PRELID2: variants seen among roughly 807,000 people sequenced by gnomAD.
PRELID2 encodes PRELI domain containing 2.
A neutral mutation model predicts 28.4 loss-of-function variants in PRELID2; 25 were observed. The observed-to-expected ratio is 0.88, with a 90% confidence interval of 0.64 to 1.23. The LOEUF (loss-of-function observed/expected upper bound fraction) is 1.23. Among genes scored for constraint, PRELID2 ranks in the 50% most tolerant of loss-of-function variants. The pLI, the probability that PRELID2 is intolerant of heterozygous loss-of-function variation, is 0.00. For synonymous variants in PRELID2, 76 were observed against 71.6 expected, an observed-to-expected ratio of 1.06 and a Z score of -0.31; for missense variants, 201 against 214.4, an observed-to-expected ratio of 0.94 and a Z score of 0.39.
intron 1 of PRELID2, among the ~76,000 whole-genome samples, chr5:145,694,615 A>T (rs1755218306): frequency 6.6e-6 from 1 of 152,068 alleles, no homozygotes; most frequent in Non-Finnish European, 1.5e-5. Context: ...GTAGTTTTTG[A>T]CTGTTGTTTT....
intron 1 of PRELID2, among the ~76,000 whole-genome samples, chr5:145,721,586 A>G (rs781672828): frequency 1.3e-5 from 2 of 152,188 alleles, no homozygotes; most frequent in Non-Finnish European, 2.9e-5. Context: ...ATAAAGTGAC[A>G]GAGTATAGAT....
the PRELID2 span, among the ~76,000 whole-genome samples, chr5:145,388,972 T>G: frequency 6.6e-6 from 1 of 152,196 alleles, no homozygotes; most frequent in African/African-American, 2.4e-5. Context: ...ATAAGCATGA[T>G]GTACCATAAG....
In PRELID2 at chr5:145,585,339, G is replaced by A. The variant is rs181396068; in HGVS notation, n.71-112024C>T. ...AGGAAGAATAGCTAATGGATGCTGG[G>A]CTTAATACCTAGGTGATGGGATGAT... is the stretch of plus-strand genomic sequence containing the variant. On this transcript the variant is annotated intron_variant and non_coding_transcript_variant, in intron 1 of 2. Transcript: ENST00000510259. Among the ~76,000 whole-genome samples, 399 of 152,126 alleles carry A rather than the reference G, an allele frequency of 2.6e-3. 4 individuals are homozygous for A. Among genetic ancestry groups the A allele is most frequent in the African/African-American group, 8.9e-3 (370 of 41,540 alleles).
At chr5:145,768,247 A>G (rs533989847) in intron 5 of PRELID2, among the ~76,000 whole-genome samples, 2 of 138,822 alleles carry the variant, frequency 1.4e-5, no homozygotes, top group East Asian at 4.3e-4. Context: ...AAAAAAAAAG[A>G]ATTAGGGGAA....
At chr5:145,337,077 C>T in the PRELID2 span, among the ~76,000 whole-genome samples, 1 of 151,190 alleles carries the variant, frequency 6.6e-6, no homozygotes, top group South Asian at 2.1e-4. Flanking sequence ...CTAACCTGCA[C>T]ATTGTGCACA....
At chr5:145,824,126 A>G (rs1477304717) in intron 1 of PRELID2, among the ~76,000 whole-genome samples, 2 of 152,112 alleles carry the variant, frequency 1.3e-5, no homozygotes, top group African/African-American at 4.8e-5. Context: ...AGACACTGGG[A>G]GCAGAAGTGA....
chr5:145,371,930 GT>G, the PRELID2 span, among the ~76,000 whole-genome samples: 2 of 148,868 alleles, frequency 1.3e-5, no homozygotes, highest in South Asian at 2.1e-4. Context: ...TTTTTGGAGA[GT>G]TTTTTGTGTC....
the PRELID2 span, among the ~76,000 whole-genome samples, chr5:145,356,341 T>G: frequency 1.3e-5 from 2 of 151,988 alleles, no homozygotes; most frequent in African/African-American, 2.4e-5. Flanking sequence ...TATTTTAATA[T>G]AAATAATAAT....
intron 1 of PRELID2, among the ~76,000 whole-genome samples, chr5:145,744,007 G>A (rs939050892): frequency 3.3e-5 from 5 of 152,248 alleles, no homozygotes; most frequent in African/African-American, 9.6e-5. Context: ...AGGCTGGACA[G>A]CTTGGTCCCA....
chr5:145,593,245 A>G (rs1753256270), intron 1 of PRELID2, among the ~76,000 whole-genome samples: 1 of 152,182 alleles, frequency 6.6e-6, no homozygotes, highest in Non-Finnish European at 1.5e-5. Flanking sequence ...GTAGCAAAGG[A>G]CACTTCTAAT....
At chr5:145,669,775 C>G (rs1433420108) in intron 1 of PRELID2, among the ~76,000 whole-genome samples, 1 of 152,108 alleles carries the variant, frequency 6.6e-6, no homozygotes, top group Non-Finnish European at 1.5e-5. Flanking sequence ...TCATGATTTT[C>G]ACATGCTAGT....
At chr5:145,384,719 C>G in the PRELID2 span, among the ~76,000 whole-genome samples, 1 of 152,102 alleles carries the variant, frequency 6.6e-6, no homozygotes, top group East Asian at 1.9e-4. Flanking sequence ...TAGAAGTTTA[C>G]AATCATGGCG....
chr5:145,596,862 AT>A (rs1176134198), intron 1 of PRELID2, among the ~76,000 whole-genome samples: 4 of 152,192 alleles, frequency 2.6e-5, no homozygotes, highest in African/African-American at 9.6e-5. Flanking sequence ...GAATTAAAAT[AT>A]TTTATGCTAA....
chr5:145,515,630 T>C (rs551047735), intron 1 of PRELID2, among the ~76,000 whole-genome samples: 2 of 152,326 alleles, frequency 1.3e-5, no homozygotes, highest in East Asian at 3.9e-4. Context: ...TGATTCTTCC[T>C]AACTCATTTT....
At chr5:145,503,786 A>G (rs1752381236) in intron 1 of PRELID2, among the ~76,000 whole-genome samples, 1 of 152,120 alleles carries the variant, frequency 6.6e-6, no homozygotes, top group Non-Finnish European at 1.5e-5. Context: ...ATTCTGTGAG[A>G]GTTGTTTTCT....
chr5:145,335,783 T>C, the PRELID2 span, among the ~76,000 whole-genome samples: 1 of 152,222 alleles, frequency 6.6e-6, no homozygotes, highest in Non-Finnish European at 1.5e-5. Flanking sequence ...TTTGGGTATA[T>C]ACCCAGTAAT....
chr5:145,296,375 T>C, the PRELID2 span, among the ~76,000 whole-genome samples: 1 of 123,788 alleles, frequency 8.1e-6, no homozygotes, highest in Non-Finnish European at 1.6e-5. Context: ...CAGAGTGTGA[T>C]GTTCCCCTTC....
In PRELID2 at chr5:145,706,208, A is replaced by C. The variant is rs187881425; in HGVS notation, n.70+58723T>G. Among the ~76,000 whole-genome samples the C allele has an allele frequency of 2.3e-3, 354 of 152,308 alleles. 4 individuals carry two copies. Among genetic ancestry groups the C allele is most frequent in the African/African-American group, 8.0e-3 (332 of 41,570 alleles). ...CTCCACCAAGGTCCCCTGGAACTCT[A>C]GCATTCTTCCTGCAAGCTAAGCTAG... is the stretch of plus-strand genomic sequence containing the variant. On this transcript the variant is annotated intron_variant and non_coding_transcript_variant, in intron 1 of 2. Coordinates refer to the PRELID2 transcript ENST00000510259.
intron 1 of PRELID2, among the ~76,000 whole-genome samples, chr5:145,484,426 C>A (rs984062797): frequency 2.0e-5 from 3 of 152,190 alleles, no homozygotes; most frequent in African/African-American, 4.8e-5. Flanking sequence ...GACTCATAGA[C>A]AAATTGGCTG....
Sources: gnomAD v4.1 joint callset for allele counts (sites outside exome capture counted in the v4.1 genomes callset) on GRCh38, gnomAD v4.1.1 for gene constraint, MANE v1.5 for transcripts, NCBI Gene and HGNC (gene_info 2026-07-23, HGNC 2026-07-21) for gene names.